The following TSPAN9 variants were observed in gnomAD, a reference collection of about 807,000 sequenced individuals.
TSPAN9 encodes tetraspanin-9.
A neutral mutation model predicts 31.0 loss-of-function variants in TSPAN9; 16 were observed. The observed-to-expected ratio is 0.52, with a 90% confidence interval of 0.35 to 0.78. TSPAN9 has a LOEUF of 0.78. Among genes scored for constraint, TSPAN9 ranks in the 30% least tolerant of loss-of-function variants. TSPAN9 has a pLI of 0.01. For synonymous variants in TSPAN9, 145 were observed against 121.6 expected (o/e 1.19, Z -1.27); for missense variants, 272 against 312.5 (o/e 0.87, Z 0.98).
Position 3,265,749 on chromosome 12 carries a change from C to T in TSPAN9, c.64-12672C>T, listed in dbSNP as rs192108197. The stretch of plus-strand genomic sequence containing the variant: ...AACTCAGGTTGGGCTAGAAATTTGT[C>T]GAACATGTTTGATAAAATGGAATCT... On this transcript the variant is annotated intron_variant, in intron 3 of 8. Coordinates refer to ENST00000011898, the MANE Select transcript of TSPAN9 (RefSeq NM_006675.5). Among the ~76,000 whole-genome samples, 14 of 152,240 alleles carry T rather than the reference C, an allele frequency of 9.2e-5. No homozygotes were observed. In the East Asian group the frequency reaches 1.4e-3, roughly 15 times the overall value.
At chr12:3,248,183 A>G (rs1862175514) in intron 3 of TSPAN9, among the ~76,000 whole-genome samples, 1 of 151,990 alleles carries the variant, frequency 6.6e-6, no homozygotes, top group Non-Finnish European at 1.5e-5. Flanking sequence ...TGACACTCAT[A>G]CTCCCTAGGT....
chr12:3,139,048 T>A (rs1242222387), intron 2 of TSPAN9, among the ~76,000 whole-genome samples: 1 of 151,662 alleles, frequency 6.6e-6, no homozygotes, highest in Non-Finnish European at 1.5e-5. Context: ...CCCTACACGC[T>A]GTGCCCCAGC....
At chr12:3,245,143 T>C (rs1862096052) in intron 3 of TSPAN9, among the ~76,000 whole-genome samples, 1 of 152,226 alleles carries the variant, frequency 6.6e-6, no homozygotes, top group Non-Finnish European at 1.5e-5. Context: ...TCTGCTTCTC[T>C]CTGGCAGCGC....
At chr12:3,222,456 CCTT>C (rs779862944) in intron 3 of TSPAN9, among the ~76,000 whole-genome samples, 16 of 152,330 alleles carry the variant, frequency 1.1e-4, no homozygotes, top group Admixed American at 3.3e-4. Flanking sequence ...AGGCGTAAGA[CCTT>C]CTGTCTGCCA....
At chr12:3,164,136 G>A (rs780492562) in intron 2 of TSPAN9, among the ~76,000 whole-genome samples, 10 of 152,214 alleles carry the variant, frequency 6.6e-5, no homozygotes, top group Non-Finnish European at 1.2e-4. Flanking sequence ...GAAAGGGAAG[G>A]AAGGAAACGG....
intron 2 of TSPAN9, among the ~76,000 whole-genome samples, chr12:3,151,743 C>G (rs563764583): frequency 1.3e-5 from 2 of 152,262 alleles, no homozygotes; most frequent in African/African-American, 4.8e-5. Context: ...CTTCCTTGCT[C>G]CCTCCAGCCT....
intron 3 of TSPAN9, among the ~76,000 whole-genome samples, chr12:3,226,658 G>A (rs34777608): frequency 0.38 from 81 of 216 alleles, no homozygotes; most frequent in East Asian, 0.5. Flanking sequence ...ATATATGTGT[G>A]TGTGTGTGTG....
intron 2 of TSPAN9, among the ~76,000 whole-genome samples, chr12:3,140,308 T>C (rs2098334188): frequency 6.6e-6 from 1 of 152,066 alleles, no homozygotes; most frequent in African/African-American, 2.4e-5. Flanking sequence ...AGGAAACTTG[T>C]AGGGATTTTT....
chr12:3,152,282 A>G (rs2098340152), intron 2 of TSPAN9, among the ~76,000 whole-genome samples: 1 of 152,162 alleles, frequency 6.6e-6, no homozygotes, highest in Admixed American at 6.5e-5. Flanking sequence ...CCTGATTGTC[A>G]GCAGGATCCT....
At position 3,077,929 on chromosome 12, in the gene TSPAN9, G is replaced by A. The variant is rs192019359; in HGVS notation, c.-85+476G>A. 1.6e-3 allele frequency among the ~76,000 whole-genome samples: 243 copies of A among 152,342 alleles called. 1 individual carries two copies. Among genetic ancestry groups the A allele is most frequent in the Non-Finnish European group, 1.2e-3 (84 of 68,028 alleles). On this transcript the variant is annotated intron_variant, in intron 1 of 8. Transcript: ENST00000011898. ...GCCACTGCTGGAAGATCAGCACTCC[G>A]AGTGACAGGACTCTGGCACATCCCG... is the stretch of plus-strand genomic sequence containing the variant.
intron 3 of TSPAN9, among the ~76,000 whole-genome samples, chr12:3,208,703 G>A (rs1348440948): frequency 6.6e-6 from 1 of 152,118 alleles, no homozygotes; most frequent in East Asian, 1.9e-4. Context: ...GTAAATTCAC[G>A]TACTTAAAAA....
chr12:3,219,422 G>A (rs977627432), intron 3 of TSPAN9, among the ~76,000 whole-genome samples: 4 of 152,122 alleles, frequency 2.6e-5, no homozygotes, highest in Non-Finnish European at 5.9e-5. Context: ...TTGCTCAGCC[G>A]CAGTACCGAC....
At chr12:3,209,221 T>A (rs1476490826) in intron 3 of TSPAN9, among the ~76,000 whole-genome samples, 1 of 136,482 alleles carries the variant, frequency 7.3e-6, no homozygotes, top group Admixed American at 7.9e-5. Context: ...GGCGACAGAG[T>A]GAGACTCCAT....
Position 3,201,019 on chromosome 12 carries a change from G to T in TSPAN9, c.-17-158G>T, listed in dbSNP as rs909410670. ...CCAAGCCGTCCACCTCCGGCCGCCC[G>T]TTCGGCCGCGGCTTCACGGCCGGCG... On this transcript the variant is annotated intron_variant, in intron 2 of 8. Transcript: ENST00000011898. The T allele has an allele frequency of 1.4e-5, 9 of 634,482 alleles. No homozygotes were observed. The Admixed American group carries it at 1.8e-4, about 13-fold the overall frequency. The allele number at this position is 634,482 out of a possible 1,614,324, so 39.3% of individuals were successfully genotyped here. A position where few individuals can be genotyped will look rare whatever the true frequency, so the allele number is the denominator to read the frequency against.
chr12:3,244,026 C>A (rs1228641713), intron 3 of TSPAN9, among the ~76,000 whole-genome samples: 3 of 152,232 alleles, frequency 2.0e-5, no homozygotes, highest in African/African-American at 7.2e-5. Context: ...CAAGGCTGCC[C>A]TTTCAGCTTG....
intron 2 of TSPAN9, among the ~76,000 whole-genome samples, chr12:3,175,995 C>T (rs1341257758): frequency 1.3e-5 from 2 of 152,188 alleles, no homozygotes; most frequent in African/African-American, 2.4e-5. Flanking sequence ...ACAAGCCCTG[C>T]CCATCCAAGC....
chr12:3,260,107 G>T (rs1479883419), intron 3 of TSPAN9, among the ~76,000 whole-genome samples: 1 of 152,246 alleles, frequency 6.6e-6, no homozygotes, highest in Non-Finnish European at 1.5e-5. Flanking sequence ...GGGGCACGTG[G>T]GTGCAGGAGG....
At chr12:3,208,084 C>G (rs1014602607) in intron 3 of TSPAN9, among the ~76,000 whole-genome samples, 1 of 152,192 alleles carries the variant, frequency 6.6e-6, no homozygotes. Context: ...GGAGGCCTGG[C>G]GCCTTGGACT....
chr12:3,085,112 G>A (rs1433584026), intron 2 of TSPAN9, among the ~76,000 whole-genome samples: 1 of 152,126 alleles, frequency 6.6e-6, no homozygotes, highest in Non-Finnish European at 1.5e-5. Flanking sequence ...TCCAGGTGCA[G>A]TGGCTCACGC....
Sources: allele counts gnomAD v4.1 joint callset (sites outside exome capture counted in the v4.1 genomes callset), GRCh38; gene constraint gnomAD v4.1.1; transcripts MANE v1.5; gene names NCBI Gene and HGNC (gene_info 2026-07-23, HGNC 2026-07-21).